NTM: variants seen among roughly 807,000 people sequenced by gnomAD.
NTM encodes the protein IgLON family member 2.
In NTM, 13 loss-of-function variants were observed where a neutral mutation model predicts 42.1. The observed-to-expected ratio is 0.31, with a 90% CI of 0.20 to 0.49. The LOEUF (loss-of-function observed/expected upper bound fraction) is 0.49, where lower values mean the gene tolerates loss of function less well. Among genes scored for constraint, NTM ranks in the 20% least tolerant of loss-of-function variants. The probability of loss-of-function intolerance (pLI) is 0.99; values close to 1 mark genes in which losing one functional copy is unlikely to be tolerated. For synonymous variants in NTM, 187 were observed against 179.2 expected (o/e 1.04, Z -0.35); for missense variants, 373 against 452.8 (o/e 0.82, Z 1.60).
intron 1 of NTM, among the ~76,000 whole-genome samples, chr11:131,419,288 C>T (rs371891252): frequency 1.4e-4 from 21 of 152,312 alleles, no homozygotes; most frequent in African/African-American, 3.8e-4. Flanking sequence ...AATTATTTGT[C>T]TGATTTTCTT....
intron 1 of NTM, among the ~76,000 whole-genome samples, chr11:131,642,407 C>T (rs1399014751): frequency 6.6e-6 from 1 of 152,204 alleles, no homozygotes; most frequent in Non-Finnish European, 1.5e-5. Context: ...AACTTTGAAA[C>T]AGATGAAACA....
chr11:131,444,426 T>C (rs1486661964), intron 1 of NTM, among the ~76,000 whole-genome samples: 1 of 152,138 alleles, frequency 6.6e-6, no homozygotes, highest in African/African-American at 2.4e-5. Flanking sequence ...CTACAAATTT[T>C]GCAGTTAGGA....
At chr11:131,710,169 T>A (rs979475074) in intron 1 of NTM, among the ~76,000 whole-genome samples, 2 of 152,290 alleles carry the variant, frequency 1.3e-5, no homozygotes, top group African/African-American at 4.8e-5. Flanking sequence ...AGATACCAGA[T>A]TCTTTCACCA....
intron 1 of NTM, among the ~76,000 whole-genome samples, chr11:131,641,141 A>G (rs1291487153): frequency 6.6e-6 from 1 of 152,146 alleles, no homozygotes; most frequent in Non-Finnish European, 1.5e-5. Flanking sequence ...TCAGACTTGC[A>G]TTCTTTACCC....
At chr11:131,795,744 G>A in intron 1 of NTM, 2 of 985,382 alleles carry the variant, frequency 2.0e-6, no homozygotes, top group Non-Finnish European at 2.4e-6. Flanking sequence ...CAGTGTAGTG[G>A]TTCAGGTCAT....
chr11:132,204,143 A>G (rs190375864), intron 3 of NTM, among the ~76,000 whole-genome samples: 6 of 152,306 alleles, frequency 3.9e-5, no homozygotes, highest in Admixed American at 3.3e-4. Flanking sequence ...CTTAGAGAGA[A>G]TATCTATTTG....
At chr11:131,623,010 GA>G (rs1395834011) in intron 1 of NTM, among the ~76,000 whole-genome samples, 2 of 152,218 alleles carry the variant, frequency 1.3e-5, no homozygotes, top group Non-Finnish European at 2.9e-5. Flanking sequence ...TAGCTCTGAA[GA>G]AACAACTTAT....
chr11:131,897,937 T>C (rs2052563383), intron 1 of NTM, among the ~76,000 whole-genome samples: 1 of 152,242 alleles, frequency 6.6e-6, no homozygotes, highest in Non-Finnish European at 1.5e-5. Flanking sequence ...GTTGTGCCTG[T>C]TAATGCTTAA....
At chr11:131,426,111 G>C (rs1948112519) in intron 1 of NTM, among the ~76,000 whole-genome samples, 1 of 152,108 alleles carries the variant, frequency 6.6e-6, no homozygotes, top group African/African-American at 2.4e-5. Flanking sequence ...GGGTCTTTGA[G>C]GCGTATGCTT....
chr11:131,872,067 G>T (rs2047842663), intron 1 of NTM, among the ~76,000 whole-genome samples: 1 of 152,132 alleles, frequency 6.6e-6, no homozygotes, highest in Non-Finnish European at 1.5e-5. Context: ...CTACTGGATT[G>T]TGTGTCAGTG....
rs2069558304 is a variant in NTM, at chr11:132,002,581, T to C, written c.167+90933T>C. ...CCCCCAAATTGGAGGCTTCTGGCCA[T>C]TGCTTGAATAACTTTCTGCCTCTAG... On this transcript the variant is annotated intron_variant, in intron 2 of 8. Coordinates refer to ENST00000683400, the MANE Select transcript of NTM (RefSeq NM_001352005.2). This position sits in a 1 kb window ranked among gnomAD's most constrained non-coding sequence, Gnocchi z 4.5. Among the ~76,000 whole-genome samples, 1 of 152,238 alleles carries C rather than the reference T, an allele frequency of 6.6e-6. No individual in the cohort carries two copies. Among genetic ancestry groups the C allele is most frequent in the Non-Finnish European group, 1.5e-5 (1 of 68,046 alleles).
intron 1 of NTM, among the ~76,000 whole-genome samples, chr11:131,851,406 A>G (rs1362429404): frequency 6.6e-6 from 1 of 152,116 alleles, no homozygotes; most frequent in African/African-American, 2.4e-5. Flanking sequence ...AGAAAAAAAT[A>G]TTTTAATATT....
chr11:131,883,739 C>T (rs778467800), intron 1 of NTM, among the ~76,000 whole-genome samples: 1 of 152,246 alleles, frequency 6.6e-6, no homozygotes, highest in South Asian at 2.1e-4. Flanking sequence ...GCACCAAAAC[C>T]AGGCGTGGTT....
chr11:131,465,759 A>G (rs951086040), intron 1 of NTM, among the ~76,000 whole-genome samples: 1 of 150,136 alleles, frequency 6.7e-6, no homozygotes, highest in African/African-American at 2.5e-5. Flanking sequence ...ACTCCCCTGA[A>G]TGCACCAGAG....
chr11:132,099,077 T>C (rs373565687), intron 2 of NTM, among the ~76,000 whole-genome samples: 1 of 152,252 alleles, frequency 6.6e-6, no homozygotes, highest in African/African-American at 2.4e-5. Flanking sequence ...TGTAACCACC[T>C]GCCTCTTAGA....
At chr11:131,478,094 C>T (rs992236305) in intron 1 of NTM, among the ~76,000 whole-genome samples, 1 of 152,162 alleles carries the variant, frequency 6.6e-6, no homozygotes, top group African/African-American at 2.4e-5. Context: ...GATCACTCCC[C>T]TTTGTAAAAT....
intron 1 of NTM, among the ~76,000 whole-genome samples, chr11:131,579,602 C>A (rs934928044): frequency 6.6e-6 from 1 of 152,178 alleles, no homozygotes; most frequent in African/African-American, 2.4e-5. Context: ...GGGAGGAAGA[C>A]CTCTTACAGT....
At chr11:132,039,437 T>A (rs988059559) in intron 2 of NTM, among the ~76,000 whole-genome samples, 2 of 143,402 alleles carry the variant, frequency 1.4e-5, no homozygotes, top group Non-Finnish European at 1.5e-5. Flanking sequence ...TTTTTTTTTT[T>A]AGAAAGACAG....
chr11:132,278,999 A>G (rs1044493189), intron 4 of NTM, among the ~76,000 whole-genome samples: 3 of 152,148 alleles, frequency 2.0e-5, no homozygotes, highest in Non-Finnish European at 4.4e-5. Context: ...CCTTTTGAAT[A>G]TCTTACAGTC....
Sources: allele counts gnomAD v4.1 joint callset (sites outside exome capture counted in the v4.1 genomes callset), GRCh38; gene constraint gnomAD v4.1.1; non-coding constraint Gnocchi (gnomAD v3.1); transcripts MANE v1.5; gene names NCBI Gene and HGNC (gene_info 2026-07-23, HGNC 2026-07-21).